The following SPECC1 variants were observed in gnomAD, a reference collection of about 807,000 sequenced individuals.
SPECC1 encodes the protein sperm antigen with calponin homology and coiled-coil domains 1, also known as cytospin-B.
In SPECC1, 62 loss-of-function variants were observed where a neutral mutation model predicts 104.1. The ratio of observed to expected loss-of-function variants is 0.60; its 90% CI spans 0.49 to 0.74. The LOEUF is 0.74. Ranked by LOEUF, SPECC1 falls within the 30% of genes least tolerant of loss-of-function variation. The pLI is 0.00. For missense variants in SPECC1, 1,306 were observed against 1,310.5 expected (o/e 1.00, Z 0.05); for synonymous variants, 513 against 501.6 (o/e 1.02, Z -0.30).
chr17:20,227,264 G>C, intron 4 of SPECC1, 149 bp from the exon 5 acceptor site: 2 of 702,782 alleles, frequency 2.8e-6, no homozygotes, highest in Non-Finnish European at 4.8e-6. Context: ...GGAGCTTTTC[G>C]TAATGTTTTA....
chr17:20,277,241 G>A (rs1355297910), intron 12 of SPECC1, among the ~76,000 whole-genome samples: 1 of 152,154 alleles, frequency 6.6e-6, no homozygotes, highest in African/African-American at 2.4e-5. Context: ...CCTCACGGTA[G>A]CAGGGTGCCC....
chr17:20,240,060 ATTTTTTTTTTTTTTTT>A (rs748689632), intron 7 of SPECC1, among the ~76,000 whole-genome samples: 2 of 32,180 alleles, frequency 6.2e-5, no homozygotes, highest in Non-Finnish European at 1.0e-4. Context: ...TGTCCAGCTA[ATTTTTTTTTTTTTTTT>A]TTTTTTTTTT....
intron 12 of SPECC1, among the ~76,000 whole-genome samples, chr17:20,261,516 A>G (rs916588721): frequency 6.6e-6 from 1 of 150,946 alleles, no homozygotes; most frequent in Non-Finnish European, 1.5e-5. Context: ...AAAAAAAAAA[A>G]AAAAAAGCAG....
rs958510638 is a variant in SPECC1 at position 20,270,462 on chromosome 17, A to C, written c.2940+10168A>C. Reference sequence around the variant, plus strand: ...AAAAAAAAAAAAAAAAAAAAAAAAAAAAAAACATTAGCCGGCTACGATGGT... The same window carrying C: ...AAAAAAAAAAAAAAAAAAAAAAAAACAAAAACATTAGCCGGCTACGATGGT... On this transcript the variant is annotated intron_variant, in intron 12 of 14. Coordinates refer to ENST00000395527, the MANE Select transcript of SPECC1 (RefSeq NM_001243439.2). Among the ~76,000 whole-genome samples the C allele has an allele frequency of 5.0e-5, 6 of 119,702 alleles. No homozygotes were observed. The South Asian group carries it at 8.3e-4, about 17-fold the overall frequency. The allele number at this position is 119,702 out of a possible 152,430, so 78.5% of individuals were successfully genotyped here. A position where few individuals can be genotyped will look rare whatever the true frequency, so the allele number is the denominator to read the frequency against.
chr17:20,239,154 T>C (rs778311047), intron 7 of SPECC1: 61 of 1,026,666 alleles, frequency 5.9e-5, no homozygotes, highest in Non-Finnish European at 6.7e-5. Flanking sequence ...TCAGAAAATA[T>C]AGCATGGACT....
At chr17:20,199,080 C>CTTTTTTTTTT in intron 3 of SPECC1, among the ~76,000 whole-genome samples, 1 of 76,572 alleles carries the variant, frequency 1.3e-5, no homozygotes, top group Non-Finnish European at 2.2e-5. Flanking sequence ...CTTATGGTAG[C>CTTTTTTTTTT]TTTTTTTTTT....
chr17:20,088,993 C>T (rs2047293377), intron 1 of SPECC1, among the ~76,000 whole-genome samples: 1 of 152,212 alleles, frequency 6.6e-6, no homozygotes, highest in African/African-American at 2.4e-5. Flanking sequence ...CTGCTGGTGC[C>T]TTGCCTTGGA....
At chr17:20,112,390 T>G (rs909120794) in intron 3 of SPECC1, 3 of 759,590 alleles carry the variant, frequency 3.9e-6, no homozygotes, top group Non-Finnish European at 7.4e-6. Context: ...CAATAAAGAA[T>G]TCTAAACCAC....
intron 3 of SPECC1, among the ~76,000 whole-genome samples, chr17:20,143,340 GGCACTACT>G (rs1343848187): frequency 6.6e-6 from 1 of 150,496 alleles, no homozygotes; most frequent in Non-Finnish European, 1.5e-5. Flanking sequence ...GAGCTGTGAT[GGCACTACT>G]GCACGCCAGC....
At chr17:20,241,836 A>C (rs906793009) in intron 7 of SPECC1, among the ~76,000 whole-genome samples, 1 of 152,226 alleles carries the variant, frequency 6.6e-6, no homozygotes, top group Admixed American at 6.5e-5. Context: ...TTTATGCAAA[A>C]TAAGTATTTA....
chr17:20,056,484 A>G (rs1567816463), intron 1 of SPECC1: 2 of 209,368 alleles, frequency 9.6e-6, no homozygotes, highest in Non-Finnish European at 2.1e-5. Flanking sequence ...CAGAAAAGAG[A>G]TCCAGGGCTT....
intron 1 of SPECC1, among the ~76,000 whole-genome samples, chr17:20,042,471 G>C (rs1260653561): frequency 6.6e-6 from 1 of 152,208 alleles, no homozygotes; most frequent in East Asian, 1.9e-4. Context: ...ACTCCTGGGT[G>C]GGAGTGGAAG....
intron 1 of SPECC1, among the ~76,000 whole-genome samples, chr17:20,082,526 T>C (rs2152492181): frequency 1.3e-5 from 2 of 152,052 alleles, no homozygotes; most frequent in East Asian, 3.9e-4. Context: ...GAGTGTTGAG[T>C]TTGAGGCTTC....
At chr17:20,030,700 G>A (rs1030880210) in intron 1 of SPECC1, among the ~76,000 whole-genome samples, 2 of 152,126 alleles carry the variant, frequency 1.3e-5, no homozygotes, top group South Asian at 4.1e-4. Flanking sequence ...TTTTCTGTGA[G>A]AATTCAGATT....
At chr17:20,174,741 G>A (rs2034343302) in intron 3 of SPECC1, among the ~76,000 whole-genome samples, 1 of 151,948 alleles carries the variant, frequency 6.6e-6, no homozygotes, top group Admixed American at 6.6e-5. Flanking sequence ...TTTATTCTCG[G>A]GGAGGTGGCT....
chr17:20,029,921 T>A (rs915124094), intron 1 of SPECC1, among the ~76,000 whole-genome samples: 12 of 152,216 alleles, frequency 7.9e-5, no homozygotes, highest in African/African-American at 2.4e-4. Context: ...TAATCTTTAT[T>A]ATTTTCTTCT....
intron 1 of SPECC1, among the ~76,000 whole-genome samples, chr17:20,020,574 C>T (rs529476220): frequency 4.6e-5 from 7 of 152,248 alleles, no homozygotes; most frequent in South Asian, 2.1e-4. Flanking sequence ...TCTTGTGATC[C>T]GCCCGCCTCA....
At chr17:20,227,967 G>T (rs188389244) in intron 5 of SPECC1, among the ~76,000 whole-genome samples, 13 of 136,768 alleles carry the variant, frequency 9.5e-5, no homozygotes, top group South Asian at 4.4e-4. Context: ...TGGGTGACGA[G>T]GGGGGGTGGG....
chr17:20,142,783 G>C (rs1015619780), intron 3 of SPECC1, among the ~76,000 whole-genome samples: 3 of 151,138 alleles, frequency 2.0e-5, no homozygotes, highest in African/African-American at 7.3e-5. Context: ...ACTAAAAATA[G>C]TTGAGATGCC....
Sources: allele counts gnomAD v4.1 joint callset (sites outside exome capture counted in the v4.1 genomes callset), GRCh38; gene constraint gnomAD v4.1.1; transcripts MANE v1.5; gene names NCBI Gene and HGNC (gene_info 2026-07-23, HGNC 2026-07-21).